Variants in PEAK1 observed in about 807,000 individuals in gnomAD.
PEAK1 encodes pseudopodium enriched atypical kinase 1, also known as inactive tyrosine-protein kinase PEAK1.
PEAK1 carries 54 observed loss-of-function variants against 124.7 expected under a neutral mutation model. The observed-to-expected ratio is 0.43, with a 90% CI of 0.35 to 0.54. The LOEUF (loss-of-function observed/expected upper bound fraction) is 0.54. Among genes scored for constraint, PEAK1 ranks in the 20% least tolerant of loss-of-function variants. The probability of loss-of-function intolerance (pLI) is 0.01; values close to 1 mark genes in which losing one functional copy is unlikely to be tolerated. For missense variants in PEAK1, 2,046 were observed against 2,134.5 expected, an observed-to-expected ratio of 0.96 and a Z score of 0.82; for synonymous variants, 719 against 760.0, an observed-to-expected ratio of 0.95 and a Z score of 0.89.
In PEAK1 at chr15:77,379,341, G is replaced by A. The variant is rs146239986; in HGVS notation, c.-665-14116C>T. On this transcript the variant is annotated intron_variant, in intron 1 of 9. Coordinates refer to ENST00000682557, the MANE Select transcript of PEAK1 (RefSeq NM_001385026.1). ...TTGAACTAAAAAGTCGTAAGAGAAT[G>A]TGAGTCACTTTTGAAGAGCTCATTG... Among the ~76,000 whole-genome samples the A allele has an allele frequency of 1.3e-5, 2 of 152,170 alleles. 1 individual carries two copies. The highest frequency in any genetic ancestry group is 2.9e-5 in the Non-Finnish European group (2 of 68,016).
At chr15:77,317,235 T>C (rs1458713356) in intron 2 of PEAK1, among the ~76,000 whole-genome samples, 2 of 152,196 alleles carry the variant, frequency 1.3e-5, no homozygotes, top group Admixed American at 1.3e-4. Context: ...TAAGTTTTCA[T>C]TTCCTAGTGT....
intron 6 of PEAK1, among the ~76,000 whole-genome samples, chr15:77,222,383 C>T (rs1011621499): frequency 1.3e-5 from 2 of 151,922 alleles, no homozygotes; most frequent in South Asian, 4.1e-4. Flanking sequence ...TATTAAATGC[C>T]TACTATAATG....
At chr15:77,132,670 G>T (rs2052972046) in intron 9 of PEAK1, among the ~76,000 whole-genome samples, 1 of 148,670 alleles carries the variant, frequency 6.7e-6, no homozygotes, top group Admixed American at 6.8e-5. Flanking sequence ...ATTCCACAAT[G>T]GGCAACAAGA....
intron 1 of PEAK1, chr15:77,417,791 CG>C: frequency 2.0e-6 from 2 of 985,268 alleles, no homozygotes; most frequent in South Asian, 9.4e-5. Flanking sequence ...TGCTTCACCA[CG>C]GAACAATTTA....
In PEAK1 at chr15:77,183,448, C is replaced by T. The variant is rs111309522; in HGVS notation, c.-114-1408G>A. Among the ~76,000 whole-genome samples, 379 of 152,182 alleles carry T rather than the reference C, an allele frequency of 2.5e-3. 1 individual carries two copies. The highest frequency in any genetic ancestry group is 0.017 in the Middle Eastern group (5 of 294). ...AATTATAAAATAAAATTATGAAATA[C>T]GTAAAATTTCATTACAGATATGAAT... is the stretch of plus-strand genomic sequence containing the variant. On this transcript the variant is annotated intron_variant, in intron 6 of 9. Transcript: ENST00000682557.
At chr15:77,374,759 A>G (rs2068881922) in intron 1 of PEAK1, among the ~76,000 whole-genome samples, 1 of 152,168 alleles carries the variant, frequency 6.6e-6, no homozygotes, top group South Asian at 2.1e-4. Flanking sequence ...GATGGAAGGG[A>G]TAAATAGCAG....
At chr15:77,191,669 G>A (rs1303337753) in intron 6 of PEAK1, among the ~76,000 whole-genome samples, 2 of 152,176 alleles carry the variant, frequency 1.3e-5, no homozygotes, top group Non-Finnish European at 2.9e-5. Context: ...ATTCTATCAG[G>A]AAGGAGTTGC....
intron 2 of PEAK1, among the ~76,000 whole-genome samples, chr15:77,301,808 T>C (rs1567231142): frequency 6.6e-6 from 1 of 152,148 alleles, no homozygotes; most frequent in Non-Finnish European, 1.5e-5. Flanking sequence ...CCATTGAGGG[T>C]GGAATGTCTA....
intron 2 of PEAK1, among the ~76,000 whole-genome samples, chr15:77,351,137 A>G (rs922190360): frequency 2.6e-5 from 4 of 152,236 alleles, no homozygotes; most frequent in Non-Finnish European, 5.9e-5. Flanking sequence ...ACCACTATGG[A>G]AATACACAAA....
At chr15:77,402,847 G>T (rs556967923) in intron 1 of PEAK1, 17 of 985,094 alleles carry the variant, frequency 1.7e-5, no homozygotes, top group Non-Finnish European at 2.0e-5. Context: ...ATGCCCTAAC[G>T]AATGGGAAAT....
intron 6 of PEAK1, among the ~76,000 whole-genome samples, chr15:77,199,193 T>G (rs1213338521): frequency 6.6e-6 from 1 of 152,190 alleles, no homozygotes; most frequent in Non-Finnish European, 1.5e-5. Context: ...AGAACCCTTT[T>G]TCCAGATTGG....
chr15:77,181,513 A>G lies in PEAK1; in HGVS notation c.414T>C (p.Ser138=). The G allele has an allele frequency of 1.2e-6, 2 of 1,614,070 alleles. No homozygotes were observed. The highest frequency in any genetic ancestry group is 1.1e-5 in the South Asian group (1 of 91,070). The change falls in exon 7 of 10, where the codon AGT becomes AGC. Residue 138 remains serine, a synonymous_variant. Coordinates refer to ENST00000682557, the MANE Select transcript of PEAK1 (RefSeq NM_001385026.1). ...HVPKPYGNND[S]AKKMSDNNNG... Reference sequence around the variant, plus strand: ...TATTGTTATCTGACATCTTCTTTGCACTATCATTATTGCCATAAGGCTTAG... The same window carrying G: ...TATTGTTATCTGACATCTTCTTTGCGCTATCATTATTGCCATAAGGCTTAG...
chr15:77,297,755 C>A (rs2063559182), intron 2 of PEAK1, among the ~76,000 whole-genome samples: 3 of 57,936 alleles, frequency 5.2e-5, no homozygotes, highest in Admixed American at 3.6e-4. Flanking sequence ...GAGATTTTGC[C>A]TCAAAAAAAA....
At chr15:77,284,102 A>G in intron 4 of PEAK1, 72 bp from the exon 5 acceptor site, 1 of 766,130 alleles carries the variant, frequency 1.3e-6, no homozygotes, top group Non-Finnish European at 1.6e-6. Context: ...CTATATGACC[A>G]ATTCAATCTG....
chr15:77,391,973 TA>T (rs2070497135), intron 1 of PEAK1, among the ~76,000 whole-genome samples: 1 of 152,200 alleles, frequency 6.6e-6, no homozygotes, highest in African/African-American at 2.4e-5. Context: ...TCTTAGCCTA[TA>T]AACTATCTCT....
At chr15:77,371,401 C>T in intron 1 of PEAK1, 1 of 956,438 alleles carries the variant, frequency 1.0e-6, no homozygotes, top group Non-Finnish European at 1.2e-6. Context: ...AAAAGTGAAG[C>T]CATCAAAAAA....
intron 6 of PEAK1, among the ~76,000 whole-genome samples, chr15:77,237,226 A>C (rs2060163099): frequency 1.3e-5 from 2 of 152,200 alleles, no homozygotes; most frequent in Non-Finnish European, 2.9e-5. Context: ...ATATTTCTAC[A>C]AGATAAAGTA....
chr15:77,131,756 A>C (rs2052883103), intron 9 of PEAK1, among the ~76,000 whole-genome samples: 2 of 152,168 alleles, frequency 1.3e-5, no homozygotes, highest in African/African-American at 2.4e-5. Flanking sequence ...AGAGGTAGAC[A>C]AGCATTTCTT....
intron 7 of PEAK1, among the ~76,000 whole-genome samples, chr15:77,163,306 T>G (rs2055823382): frequency 6.6e-6 from 1 of 152,270 alleles, no homozygotes; most frequent in Non-Finnish European, 1.5e-5. Context: ...CAAATCATTT[T>G]CTGAACATGC....
Sources: allele counts gnomAD v4.1 joint callset (sites outside exome capture counted in the v4.1 genomes callset), GRCh38; gene constraint gnomAD v4.1.1; transcripts MANE v1.5; gene names NCBI Gene and HGNC (gene_info 2026-07-23, HGNC 2026-07-21).